The following PHF11 variants were observed in gnomAD, a reference collection of about 807,000 sequenced individuals.
PHF11 encodes the protein PHD finger protein 11.
A neutral mutation model predicts 40.5 loss-of-function variants in PHF11; 38 were observed. The ratio of observed to expected loss-of-function variants is 0.94; its 90% CI spans 0.72 to 1.23. The LOEUF is 1.23. Ranked by LOEUF, PHF11 falls within the 50% of genes most tolerant of loss-of-function variation. PHF11 has a pLI of 0.00. For missense variants in PHF11, 369 were observed against 392.4 expected (o/e 0.94, Z 0.50); for synonymous variants, 127 against 138.2 (o/e 0.92, Z 0.57).
chr13:49,505,624 C>A (rs1478195734), intron 1 of PHF11, among the ~76,000 whole-genome samples: 1 of 152,102 alleles, frequency 6.6e-6, no homozygotes, highest in African/African-American at 2.4e-5. Context: ...AAATCTTAAA[C>A]GAATTCTTGT....
At chr13:49,521,865 T>C (rs1423416303) in intron 5 of PHF11, 178 bp from the exon 6 acceptor site, 3 of 402,038 alleles carry the variant, frequency 7.5e-6, no homozygotes, top group South Asian at 4.4e-5. Context: ...TGCATTAAAC[T>C]TATAATATCT....
intron 3 of PHF11, among the ~76,000 whole-genome samples, chr13:49,516,290 ATCTTTTCTGCTTTGTC>A (rs1227327240): frequency 6.6e-6 from 1 of 152,056 alleles, no homozygotes; most frequent in Non-Finnish European, 1.5e-5. Flanking sequence ...GTGGACAGGC[ATCTTTTCTGCTTTGTC>A]CACTACTGTT....
chr13:49,501,745 C>CAG (rs1294139740), intron 1 of PHF11, among the ~76,000 whole-genome samples: 1 of 152,046 alleles, frequency 6.6e-6, no homozygotes, highest in Non-Finnish European at 1.5e-5. Context: ...GGCTAGCATG[C>CAG]AGTGGTGCAA....
intron 2 of PHF11, among the ~76,000 whole-genome samples, chr13:49,507,541 G>T (rs1173782406): frequency 6.6e-6 from 1 of 152,188 alleles, no homozygotes; most frequent in Non-Finnish European, 1.5e-5. Flanking sequence ...TTAGGCACAG[G>T]AATGGGGTGT....
intron 3 of PHF11, among the ~76,000 whole-genome samples, 156 bp from the exon 4 acceptor site, chr13:49,517,862 C>A (rs1254195982): frequency 6.6e-6 from 1 of 152,202 alleles, no homozygotes; most frequent in Non-Finnish European, 1.5e-5. Flanking sequence ...AATATAAGTA[C>A]TGTACCCTAA....
chr13:49,503,828 G>A (rs1958941600), intron 1 of PHF11, among the ~76,000 whole-genome samples: 1 of 152,140 alleles, frequency 6.6e-6, no homozygotes, highest in Non-Finnish European at 1.5e-5. Context: ...TGCCTCCTGG[G>A]TGCAAGCAAT....
intron 1 of PHF11, chr13:49,497,103 G>A (rs1958825993): frequency 5.4e-6 from 7 of 1,288,260 alleles, no homozygotes; most frequent in African/African-American, 1.5e-5. Flanking sequence ...GTTCCCAGCA[G>A]AGAGGATGAC....
Position 49,510,700 on chromosome 13 carries a change from G to A in PHF11, c.217-2359G>A, listed in dbSNP as rs143362039. Among the ~76,000 whole-genome samples, 5 of 152,252 alleles carry A rather than the reference G, an allele frequency of 3.3e-5. No individual in the cohort carries two copies. The East Asian group carries it at 9.7e-4, about 29-fold the overall frequency. On this transcript the variant is annotated intron_variant, in intron 2 of 9. Transcript: ENST00000378319. ...TGCTCAGGCTCATCTCGAACTCCTGGCCTCAAGTGATTCTCCTGTCTCAGC... is the reference window on the plus strand; with the variant it reads ...TGCTCAGGCTCATCTCGAACTCCTGACCTCAAGTGATTCTCCTGTCTCAGC...
intron 1 of PHF11, among the ~76,000 whole-genome samples, chr13:49,497,400 G>C (rs919449842): frequency 6.6e-6 from 1 of 152,088 alleles, no homozygotes; most frequent in Non-Finnish European, 1.5e-5. Flanking sequence ...ATTCGCCCAG[G>C]TGCTCCTTGC....
At chr13:49,523,315 C>CA in intron 7 of PHF11, 74 bp downstream of exon 7, 1 of 940,566 alleles carries the variant, frequency 1.1e-6, no homozygotes, top group Non-Finnish European at 1.7e-6. Flanking sequence ...CTGTTTCAAA[C>CA]TTGGTATCCC....
At chr13:49,524,632 G>A (rs928096437) in intron 8 of PHF11, among the ~76,000 whole-genome samples, 2 of 151,938 alleles carry the variant, frequency 1.3e-5, no homozygotes, top group African/African-American at 2.4e-5. Context: ...ACGCCACTAC[G>A]CCTGGCTAAT....
At chr13:49,511,745 A>G (rs1959085580) in intron 2 of PHF11, among the ~76,000 whole-genome samples, 2 of 152,228 alleles carry the variant, frequency 1.3e-5, no homozygotes, top group African/African-American at 4.8e-5. Context: ...TATTATCAGT[A>G]TATATGAACA....
At chr13:49,508,414 T>C (rs1959040858) in intron 2 of PHF11, among the ~76,000 whole-genome samples, 1 of 148,162 alleles carries the variant, frequency 6.7e-6, no homozygotes, top group Non-Finnish European at 1.5e-5. Flanking sequence ...GTCTTTTTTT[T>C]CCCATCCATT....
At chr13:49,506,898 C>CTTTTTTTTTTTTTTTT (rs1169962633) in intron 2 of PHF11, 142 bp downstream of exon 2, 1 of 137,882 alleles carries the variant, frequency 7.3e-6, no homozygotes, top group Non-Finnish European at 1.2e-5. Context: ...GGGAGCATTT[C>CTTTTTTTTTTTTTTTT]TTTTTTTTTT....
At chr13:49,517,254 A>G (rs1959165634) in intron 3 of PHF11, among the ~76,000 whole-genome samples, 1 of 151,950 alleles carries the variant, frequency 6.6e-6, no homozygotes, top group East Asian at 1.9e-4. Flanking sequence ...GGTGTGAGTG[A>G]CCTCCTGTTC....
intron 1 of PHF11, chr13:49,497,144 G>T: frequency 7.8e-7 from 1 of 1,289,384 alleles, no homozygotes; most frequent in Non-Finnish European, 1.0e-6. Flanking sequence ...AACGTCACAC[G>T]TAAACATCAT....
chr13:49,525,317 A>C (rs952183153), intron 8 of PHF11, among the ~76,000 whole-genome samples: 1 of 152,102 alleles, frequency 6.6e-6, no homozygotes, highest in Non-Finnish European at 1.5e-5. Context: ...GCATGATCTC[A>C]GCTCATTGCA....
intron 2 of PHF11, among the ~76,000 whole-genome samples, chr13:49,507,269 C>G (rs909167820): frequency 6.6e-6 from 1 of 152,108 alleles, no homozygotes; most frequent in African/African-American, 2.4e-5. Context: ...CACTGATAGA[C>G]CTTCTACCCA....
intron 9 of PHF11, among the ~76,000 whole-genome samples, chr13:49,526,958 G>A (rs2981): frequency 0.48 from 72,848 of 151,312 alleles, 18,033 homozygotes; most frequent in Middle Eastern, 0.59. Context: ...CTCTCGCTTG[G>A]TGAGATAGGT....
Sources: gnomAD v4.1 joint callset for allele counts (sites outside exome capture counted in the v4.1 genomes callset) on GRCh38, gnomAD v4.1.1 for gene constraint, MANE v1.5 for transcripts, NCBI Gene and HGNC (gene_info 2026-07-23, HGNC 2026-07-21) for gene names.